PRIM2: variants seen among roughly 807,000 people sequenced by gnomAD.
PRIM2 encodes DNA primase subunit 2.
Under a neutral mutation model 67.3 loss-of-function variants are expected in PRIM2, and 39 were observed. The ratio of observed to expected loss-of-function variants is 0.58; its 90% confidence interval spans 0.45 to 0.76. The LOEUF is 0.76. Among genes scored for constraint, PRIM2 ranks in the 30% least tolerant of loss-of-function variants. PRIM2 has a pLI of 0.00. For synonymous variants in PRIM2, 143 were observed against 198.7 expected, an observed-to-expected ratio of 0.72 and a Z score of 2.36; for missense variants, 398 against 598.7, an observed-to-expected ratio of 0.66 and a Z score of 3.50.
chr6:57,553,146 T>G (rs1775437204), intron 10 of PRIM2, among the ~76,000 whole-genome samples: 1 of 152,132 alleles, frequency 6.6e-6, no homozygotes, highest in Non-Finnish European at 1.5e-5. Context: ...ACAGGAAATG[T>G]GTGGATTAAA....
the PRIM2 span, among the ~76,000 whole-genome samples, chr6:57,272,563 T>G: frequency 7.9e-5 from 12 of 152,176 alleles, no homozygotes; most frequent in African/African-American, 1.2e-4. Flanking sequence ...ACACTGATGG[T>G]TCTTGACTCT....
At chr6:57,322,293 G>A (rs1767687135) in intron 3 of PRIM2, among the ~76,000 whole-genome samples, 1 of 152,140 alleles carries the variant, frequency 6.6e-6, no homozygotes. Flanking sequence ...CATTTGATAA[G>A]TCAGGGTCTT....
chr6:57,303,866 C>G, the PRIM2 span, among the ~76,000 whole-genome samples: 1 of 152,114 alleles, frequency 6.6e-6, no homozygotes, highest in Non-Finnish European at 1.5e-5. Context: ...AACTCGTGAC[C>G]TCAAGTGGTC....
At chr6:57,545,387 G>T (rs1327501423) in intron 10 of PRIM2, among the ~76,000 whole-genome samples, 1 of 152,044 alleles carries the variant, frequency 6.6e-6, no homozygotes, top group Non-Finnish European at 1.5e-5. Context: ...TGAAATAAAA[G>T]AAACAGCCCT....
chr6:57,566,285 T>A (rs1383452740), intron 10 of PRIM2, among the ~76,000 whole-genome samples: 1 of 152,128 alleles, frequency 6.6e-6, no homozygotes, highest in Non-Finnish European at 1.5e-5. Flanking sequence ...TCATATTATG[T>A]CACATAGGAA....
At chr6:57,550,443 A>T (rs1181818293) in intron 10 of PRIM2, among the ~76,000 whole-genome samples, 2 of 152,142 alleles carry the variant, frequency 1.3e-5, no homozygotes, top group African/African-American at 4.8e-5. Context: ...AAATTAAATT[A>T]TGTATTGGGT....
chr6:57,267,256 A>G, the PRIM2 span, among the ~76,000 whole-genome samples: 1 of 152,098 alleles, frequency 6.6e-6, no homozygotes, highest in Non-Finnish European at 1.5e-5. Flanking sequence ...TCATTTTGCC[A>G]TTTTTTTGGT....
At chr6:57,310,666 C>T (rs559694152), upstream of PRIM2, among the ~76,000 whole-genome samples, 360 of 151,690 alleles carry the variant, frequency 2.4e-3, no homozygotes, top group African/African-American at 8.4e-3. Context: ...TCCTCACCTC[C>T]CAGACGGGGC....
chr6:57,370,434 C>T (rs1769506377), intron 5 of PRIM2, among the ~76,000 whole-genome samples: 1 of 152,070 alleles, frequency 6.6e-6, no homozygotes, highest in South Asian at 2.1e-4. Context: ...GACAGTCATC[C>T]TACATTTTTC....
chr6:57,513,257 T>C (rs1413152194), intron 8 of PRIM2, among the ~76,000 whole-genome samples: 191 of 150,596 alleles, frequency 1.3e-3, no homozygotes, highest in Non-Finnish European at 2.2e-3. Flanking sequence ...TCTTGGAATA[T>C]GTTCCCATGA....
chr6:57,481,488 G>T (rs1280555124), intron 7 of PRIM2, among the ~76,000 whole-genome samples: 2 of 151,950 alleles, frequency 1.3e-5, no homozygotes, highest in Non-Finnish European at 2.9e-5. Flanking sequence ...CCATTTATCT[G>T]TTGAAGGGCA....
the PRIM2 span, among the ~76,000 whole-genome samples, chr6:57,260,560 T>C: frequency 4.1e-4 from 62 of 152,260 alleles, no homozygotes; most frequent in African/African-American, 1.4e-3. Context: ...TGTGAAATTA[T>C]AGCATGATGT....
intron 7 of PRIM2, among the ~76,000 whole-genome samples, chr6:57,505,833 A>G (rs1213561903): frequency 1.3e-5 from 2 of 152,170 alleles, no homozygotes; most frequent in African/African-American, 2.4e-5. Flanking sequence ...TAGAAAGCAT[A>G]CTATATAGAT....
At chr6:57,562,987 C>T (rs1166008510) in intron 10 of PRIM2, among the ~76,000 whole-genome samples, 5 of 152,096 alleles carry the variant, frequency 3.3e-5, no homozygotes, top group African/African-American at 4.8e-5. Context: ...GCAGAGAGTA[C>T]GAGGGCCACT....
chr6:57,617,702 G>A (rs1346672276), intron 12 of PRIM2, among the ~76,000 whole-genome samples: 2 of 152,212 alleles, frequency 1.3e-5, no homozygotes, highest in South Asian at 4.2e-4. Flanking sequence ...TATTCTGTAG[G>A]TTTTCTTGTC....
At chr6:57,300,923 G>C in the PRIM2 span, among the ~76,000 whole-genome samples, 2 of 152,192 alleles carry the variant, frequency 1.3e-5, no homozygotes, top group Non-Finnish European at 2.9e-5. Context: ...TGCTGTGAGA[G>C]AAGGAGATTT....
chr6:57,457,751 TG>T (rs1393951145), intron 7 of PRIM2, among the ~76,000 whole-genome samples: 1 of 152,180 alleles, frequency 6.6e-6, no homozygotes, highest in African/African-American at 2.4e-5. Flanking sequence ...AGGCAATGCC[TG>T]GCCCTGCCTC....
chr6:57,283,399 C>T, the PRIM2 span, among the ~76,000 whole-genome samples: 1 of 152,160 alleles, frequency 6.6e-6, no homozygotes, highest in Non-Finnish European at 1.5e-5. Context: ...AAATCTACCT[C>T]TCTGCTCTGT....
intron 7 of PRIM2, among the ~76,000 whole-genome samples, chr6:57,460,331 GT>G (rs1375076034): frequency 6.6e-6 from 1 of 152,118 alleles, no homozygotes; most frequent in South Asian, 2.1e-4. Context: ...TTTAGTGATA[GT>G]TTTTGGTGAG....
Sources: gnomAD v4.1 joint callset for allele counts (sites outside exome capture counted in the v4.1 genomes callset) on GRCh38, gnomAD v4.1.1 for gene constraint, MANE v1.5 for transcripts, NCBI Gene and HGNC (gene_info 2026-07-23, HGNC 2026-07-21) for gene names.